Variants in HSD17B12 observed in about 807,000 individuals in gnomAD.
HSD17B12 encodes very-long-chain 3-oxoacyl-CoA reductase.
Under a neutral mutation model 39.3 loss-of-function variants are expected in HSD17B12, and 32 were observed. That is an observed-to-expected ratio of 0.81 (90% CI 0.61 to 1.09). The LOEUF (loss-of-function observed/expected upper bound fraction) is 1.09. HSD17B12 is among the 50% of genes least tolerant of loss of function. The pLI is 0.00. For missense variants in HSD17B12, 342 were observed against 382.9 expected, an observed-to-expected ratio of 0.89 and a Z score of 0.89; for synonymous variants, 150 against 146.7, an observed-to-expected ratio of 1.02 and a Z score of -0.16.
At chr11:43,798,489 G>C in intron 4 of HSD17B12, 62 bp downstream of exon 4, 1 of 1,069,650 alleles carries the variant, frequency 9.3e-7, no homozygotes, top group Non-Finnish European at 1.4e-6. Context: ...TTATGACTTT[G>C]GATGTTAAGT....
intron 1 of HSD17B12, among the ~76,000 whole-genome samples, chr11:43,715,385 T>A (rs577419203): frequency 3.3e-5 from 5 of 152,314 alleles, no homozygotes; most frequent in African/African-American, 9.6e-5. Flanking sequence ...GAGATAATCA[T>A]GTGGTTTTTG....
the HSD17B12 span, among the ~76,000 whole-genome samples, chr11:43,591,258 A>G: frequency 6.6e-6 from 1 of 152,220 alleles, no homozygotes; most frequent in South Asian, 2.1e-4. Context: ...TAAAACAAAC[A>G]TTTAAGCAAA....
At chr11:43,804,145 G>A (rs1950997214) in intron 4 of HSD17B12, among the ~76,000 whole-genome samples, 1 of 152,146 alleles carries the variant, frequency 6.6e-6, no homozygotes, top group Admixed American at 6.5e-5. Context: ...GAGAAAGAAA[G>A]GTCCTCTTGG....
At chr11:43,739,302 C>G (rs929456075) in intron 1 of HSD17B12, among the ~76,000 whole-genome samples, 3 of 152,092 alleles carry the variant, frequency 2.0e-5, no homozygotes, top group Non-Finnish European at 4.4e-5. Context: ...TCAAGGAAGG[C>G]TTAATGGGAG....
At chr11:43,801,092 T>C (rs138163248) in intron 4 of HSD17B12, among the ~76,000 whole-genome samples, 5,454 of 151,874 alleles carry the variant, frequency 0.036, 293 homozygotes, top group African/African-American at 0.12. Context: ...TGAGCCGAGA[T>C]TGCACCATTA....
At chr11:43,756,525 A>G in intron 3 of HSD17B12, among the ~76,000 whole-genome samples, 1 of 152,180 alleles carries the variant, frequency 6.6e-6, no homozygotes, top group East Asian at 1.9e-4. Flanking sequence ...TGTATATAAT[A>G]ACTCTTAAAG....
chr11:43,795,452 C>T (rs916668866), intron 3 of HSD17B12, among the ~76,000 whole-genome samples: 6 of 152,164 alleles, frequency 3.9e-5, no homozygotes, highest in Non-Finnish European at 5.9e-5. Context: ...TCACAGAACT[C>T]GATGGTGGAG....
intron 1 of HSD17B12, among the ~76,000 whole-genome samples, chr11:43,682,433 C>T (rs1419797663): frequency 6.6e-6 from 1 of 151,742 alleles, no homozygotes; most frequent in Non-Finnish European, 1.5e-5. Flanking sequence ...CCCCTGTAGT[C>T]CCAGAGGCTG....
the HSD17B12 span, among the ~76,000 whole-genome samples, chr11:43,580,823 G>A: frequency 1.3e-5 from 2 of 152,026 alleles, no homozygotes; most frequent in Admixed American, 6.5e-5. Context: ...TGAAAAAAAA[G>A]GGGGAAATGT....
intron 3 of HSD17B12, among the ~76,000 whole-genome samples, chr11:43,761,462 G>A (rs900106202): frequency 6.6e-6 from 1 of 152,194 alleles, no homozygotes; most frequent in African/African-American, 2.4e-5. Context: ...TACTGTTGCA[G>A]CGTAACAAAC....
intron 3 of HSD17B12, among the ~76,000 whole-genome samples, chr11:43,761,780 T>C (rs1590277621): frequency 6.6e-6 from 1 of 152,348 alleles, no homozygotes; most frequent in African/African-American, 2.4e-5. Flanking sequence ...GGTAACTATA[T>C]TCCCCCAGAG....
the HSD17B12 span, among the ~76,000 whole-genome samples, chr11:43,657,709 T>G: frequency 6.6e-6 from 1 of 152,188 alleles, no homozygotes; most frequent in South Asian, 2.1e-4. Flanking sequence ...TTCTTTCCTT[T>G]AAGAATGTTG....
chr11:43,816,042 C>G (rs1380840844), intron 5 of HSD17B12, among the ~76,000 whole-genome samples: 2 of 152,156 alleles, frequency 1.3e-5, no homozygotes, highest in Admixed American at 6.5e-5. Flanking sequence ...ATGCTCCATA[C>G]TAGCAGAAAG....
chr11:43,813,547 G>A (rs1207656542), intron 4 of HSD17B12, among the ~76,000 whole-genome samples: 1 of 151,610 alleles, frequency 6.6e-6, no homozygotes, highest in Non-Finnish European at 1.5e-5. Context: ...TTTTGTTTAT[G>A]TGCAATATTT....
chr11:43,760,751 C>G (rs1006197478), intron 3 of HSD17B12, among the ~76,000 whole-genome samples: 1 of 152,184 alleles, frequency 6.6e-6, no homozygotes, highest in African/African-American at 2.4e-5. Flanking sequence ...ATAAGTACAA[C>G]AGGAGGCATT....
chr11:43,854,637 C>A (rs1313135921), intron 9 of HSD17B12, 78 bp from the exon 10 acceptor site: 2 of 1,479,066 alleles, frequency 1.4e-6, no homozygotes, highest in African/African-American at 1.4e-5. Flanking sequence ...TAAGAGCAGT[C>A]AAGCACCACT....
chr11:43,659,411 G>A, the HSD17B12 span, among the ~76,000 whole-genome samples: 1 of 152,170 alleles, frequency 6.6e-6, no homozygotes, highest in Non-Finnish European at 1.5e-5. Flanking sequence ...TGCACCCACT[G>A]TCTGGCACTC....
At chr11:43,558,928 GA>G in the HSD17B12 span, among the ~76,000 whole-genome samples, 1 of 152,096 alleles carries the variant, frequency 6.6e-6, no homozygotes, top group Non-Finnish European at 1.5e-5. Flanking sequence ...ATAGAAATGG[GA>G]AGTGAAATGT....
At chr11:43,844,560 C>CAA (rs796417997) in intron 9 of HSD17B12, among the ~76,000 whole-genome samples, 2 of 127,824 alleles carry the variant, frequency 1.6e-5, no homozygotes, top group African/African-American at 2.9e-5. Flanking sequence ...AAAGTCCAGT[C>CAA]AAAAAAAAAA....
Sources: gnomAD v4.1 joint callset for allele counts (sites outside exome capture counted in the v4.1 genomes callset) on GRCh38, gnomAD v4.1.1 for gene constraint, MANE v1.5 for transcripts, NCBI Gene and HGNC (gene_info 2026-07-23, HGNC 2026-07-21) for gene names.